NPRL2: variants seen among roughly 807,000 people sequenced by gnomAD.
NPRL2 encodes GATOR1 complex protein NPRL2.
A neutral mutation model predicts 51.1 loss-of-function variants in NPRL2; 21 were observed. The ratio of observed to expected loss-of-function variants is 0.41; its 90% CI spans 0.29 to 0.59. The LOEUF (loss-of-function observed/expected upper bound fraction) is 0.59, where lower values mean the gene tolerates loss of function less well. NPRL2 is among the 20% of genes least tolerant of loss of function. The pLI, the probability that NPRL2 is intolerant of heterozygous loss-of-function variation, is 0.29. For missense variants in NPRL2, 376 were observed against 483.4 expected (o/e 0.78, Z 2.08); for synonymous variants, 175 against 187.8 (o/e 0.93, Z 0.56).
chr3:50,348,321 C>G lies in NPRL2; in HGVS notation c.810G>C (p.Lys270Asn), dbSNP rs1703629313. 1 of 1,613,904 alleles carries G rather than the reference C, an allele frequency of 6.2e-7. No homozygotes were observed. Among genetic ancestry groups the G allele is most frequent in the East Asian group, 2.2e-5 (1 of 44,882 alleles). ...LQEACLSYVT[K>N]QGHKRASLRD... Reference sequence around the variant, plus strand: ...TCCCCCAGAACCCACCACTACCTTGCTTGGTCACGTAGGATAGACATGCCT... The same window carrying G: ...TCCCCCAGAACCCACCACTACCTTGGTTGGTCACGTAGGATAGACATGCCT... The change falls in exon 8 of 11, where the codon AAG becomes AAC. Residue 270 changes from lysine (K) to asparagine (N), a missense_variant. Physicochemically the swap from Lys to Asn is moderately conservative, Grantham distance 94 (BLOSUM62 0). Coordinates refer to ENST00000232501, the MANE Select transcript of NPRL2 (RefSeq NM_006545.5). This position sits in a 1 kb window ranked among gnomAD's most constrained non-coding sequence, Gnocchi z 5.8.
chr3:50,347,785 C>G lies in NPRL2; in HGVS notation c.1049G>C (p.Ser350Thr). 6.2e-7 allele frequency: 1 copy of G among 1,613,982 alleles called. No individual in the cohort carries two copies. The highest frequency in any genetic ancestry group is 1.1e-5 in the South Asian group (1 of 91,088). The change falls in exon 10 of 11, where the codon AGC becomes ACC. Residue 350 changes from serine (S) to threonine (T), a missense_variant. Coordinates refer to ENST00000232501, the MANE Select transcript of NPRL2 (RefSeq NM_006545.5). ...TGTCTTGCAGCAGATCTCGTCATAGCTGTGGCAGCCTGTATAAAGCCGGGC... is the reference window on the plus strand; with the variant it reads ...TGTCTTGCAGCAGATCTCGTCATAGGTGTGGCAGCCTGTATAAAGCCGGGC... The part of the protein sequence containing the change: ...HPARLYTGCH[S>T]YDEICCKTGM...
Position 50,349,767 on chromosome 3 carries a change from A to G in NPRL2, c.237T>C (p.Asn79=), listed in dbSNP as rs1372880144. ...VCIEHKKYSR[N]ALLFNLGFVC... ...CGAAGCCCAGGTTGAAGAGGAGAGC[A>G]TTGCGGCTGTACTTCTTGTGTTCGA... The change falls in exon 3 of 11, where the codon AAT becomes AAC. Residue 79 remains asparagine (N), a synonymous_variant. Transcript: ENST00000232501. The surrounding 1 kb of genome is among the most constrained non-coding windows in gnomAD (Gnocchi z 4.6). 2 of 1,613,980 alleles carry G rather than the reference A, an allele frequency of 1.2e-6. No individual in the cohort carries two copies. The highest frequency in any genetic ancestry group is 1.7e-5 in the Admixed American group (1 of 60,026).
At position 50,347,455 on chromosome 3, in the gene NPRL2, CCA is replaced by C. The variant is rs1703590393; in HGVS notation, c.*149_*150del. ...GCTATTTCATTCACTGCTGGGTCTC[CCA>C]CGGCTGGCCCAGAAACAGCACTCAA... On this transcript the variant is annotated 3_prime_UTR_variant, in exon 11 of 11. Coordinates refer to ENST00000232501, the MANE Select transcript of NPRL2 (RefSeq NM_006545.5). The C allele has an allele frequency of 6.4e-6, 6 of 937,342 alleles. No individual in the cohort carries two copies. In the South Asian group the frequency reaches 9.2e-5, roughly 14 times the overall value. The allele number at this position is 937,342 out of a possible 1,614,324, so 58.1% of individuals were successfully genotyped here.
In NPRL2 at chr3:50,347,863, C is replaced by T; in HGVS notation, c.971G>A (p.Arg324Lys). The change falls in exon 10 of 11, where the codon AGG (arginine) becomes AAG (lysine). Residue 324 changes from arginine (R) to lysine (K), a missense_variant. Transcript: ENST00000232501. ...IQFGLMKNLI[R>K]RLQKYPVRVT... is the part of the protein sequence containing the mutation. ...CCGCACAGGATACTTCTGTAGTCGC[C>T]TGATGAGGTTCTTCATAAGCCCGAA... 1 of 1,614,096 alleles carries T rather than the reference C, an allele frequency of 6.2e-7. No homozygotes were observed. The highest frequency in any genetic ancestry group is 1.1e-5 in the South Asian group (1 of 91,090).
Position 50,350,250 on chromosome 3 carries a change from C to T in NPRL2, c.79-228G>A. ...CCTCTACCTGGAACACTTTCTCCTGCCTTACCTAAACTTCCTATGCATCAT... is the reference window on the plus strand; with the variant it reads ...CCTCTACCTGGAACACTTTCTCCTGTCTTACCTAAACTTCCTATGCATCAT... On this transcript the variant is annotated intron_variant, in intron 1 of 10. Coordinates refer to ENST00000232501, the MANE Select transcript of NPRL2 (RefSeq NM_006545.5). The surrounding 1 kb of genome is among the most constrained non-coding windows in gnomAD (Gnocchi z 5.7). The T allele has an allele frequency of 3.4e-6, 2 of 596,992 alleles. No individual in the cohort carries two copies. The highest frequency in any genetic ancestry group is 2.0e-5 in the South Asian group (1 of 49,760). The allele number at this position is 596,992 out of a possible 1,614,324, so 37.0% of individuals were successfully genotyped here.
In NPRL2 at chr3:50,349,617, T is replaced by C; in HGVS notation, c.339+48A>G. 1 of 1,603,506 alleles carries C rather than the reference T, an allele frequency of 6.2e-7. No individual in the cohort carries two copies. Among genetic ancestry groups the C allele is most frequent in the South Asian group, 1.1e-5 (1 of 90,470 alleles). On this transcript the variant is annotated intron_variant, in intron 3 of 10. Transcript: ENST00000232501. The surrounding 1 kb of genome is among the most constrained non-coding windows in gnomAD (Gnocchi z 4.6). ...GGGACTTTGGAGACATGGGAACACC[T>C]TCCCCAACTCTGCCTGTCGGTAAAC...
rs1294646394 is a variant in NPRL2 at position 50,350,393 on chromosome 3, G to A, written c.78+182C>T. 2.1e-5 allele frequency: 14 copies of A among 659,294 alleles called. No homozygotes were observed. The highest frequency in any genetic ancestry group is 3.6e-5 in the African/African-American group (2 of 54,978). 40.8% of individuals were successfully genotyped at this position (659,294 alleles called of 1,614,324 possible). The stretch of plus-strand genomic sequence containing the variant: ...ATCCTACAAACACTGCCAATGTGAC[G>A]TATGTCTTCCCTGCCACATTGGGAG... On this transcript the variant is annotated intron_variant, in intron 1 of 10. Transcript: ENST00000232501. The surrounding 1 kb of genome is among the most constrained non-coding windows in gnomAD (Gnocchi z 5.7).
rs1258487171 is a variant in NPRL2, at chr3:50,349,177, C to G, written c.449-167G>C. On this transcript the variant is annotated intron_variant, in intron 4 of 10. Transcript: ENST00000232501. The surrounding 1 kb of genome is among the most constrained non-coding windows in gnomAD (Gnocchi z 4.6). ...GAGGCCCACAAAGGGGAAGGAATTG[C>G]CCAAGGGGCAGAGCTGGAGAGCTCT... The G allele has an allele frequency of 1.1e-6, 1 of 932,790 alleles. No homozygotes were observed. Among genetic ancestry groups the G allele is most frequent in the East Asian group, 2.6e-5 (1 of 38,286 alleles). 57.8% of individuals were successfully genotyped at this position (932,790 alleles called of 1,614,324 possible).
In NPRL2 at chr3:50,348,866, T is replaced by A. The variant is rs1310326569; in HGVS notation, c.585+8A>T. The A allele has an allele frequency of 6.2e-7, 1 of 1,613,990 alleles. No individual in the cohort carries two copies. The highest frequency in any genetic ancestry group is 1.1e-5 in the South Asian group (1 of 91,082). ...CCAGGTGATGATACCCAGGGAGGGA[T>A]GGCATACTTGTTGTGTAGTGAGGTC... is the stretch of plus-strand genomic sequence containing the variant. On this transcript the variant is annotated splice_region_variant and intron_variant, in intron 5 of 10. Coordinates refer to ENST00000232501, the MANE Select transcript of NPRL2 (RefSeq NM_006545.5). This position sits in a 1 kb window ranked among gnomAD's most constrained non-coding sequence, Gnocchi z 5.8.
Position 50,348,047 on chromosome 3 carries a change from C to A in NPRL2, c.932+77G>T. On this transcript the variant is annotated intron_variant, in intron 9 of 10. Coordinates refer to ENST00000232501, the MANE Select transcript of NPRL2 (RefSeq NM_006545.5). This position sits in a 1 kb window ranked among gnomAD's most constrained non-coding sequence, Gnocchi z 5.8. ...GCTTGGATTGGCAGTGCCCCATGAT[C>A]CAGGGCTCCTGAGAGACATAAAGGG... The A allele has an allele frequency of 6.3e-7, 1 of 1,588,992 alleles. No homozygotes were observed. Among genetic ancestry groups the A allele is most frequent in the African/African-American group, 1.3e-5 (1 of 74,586 alleles).
Position 50,350,414 on chromosome 3 carries a change from G to T in NPRL2, c.78+161C>A. The T allele has an allele frequency of 1.4e-6, 1 of 722,204 alleles. No individual in the cohort carries two copies. The allele number at this position is 722,204 out of a possible 1,614,324, so 44.7% of individuals were successfully genotyped here. A position where few individuals can be genotyped will look rare whatever the true frequency, so the allele number is the denominator to read the frequency against. On this transcript the variant is annotated intron_variant, in intron 1 of 10. Transcript: ENST00000232501. The surrounding 1 kb of genome is among the most constrained non-coding windows in gnomAD (Gnocchi z 5.7). ...TGACGTATGTCTTCCCTGCCACATTGGGAGCCGGGGGCCTGGGTCTGACTA... is the reference window on the plus strand; with the variant it reads ...TGACGTATGTCTTCCCTGCCACATTTGGAGCCGGGGGCCTGGGTCTGACTA...
Position 50,348,605 on chromosome 3 carries a change from T to C in NPRL2, c.684-42A>G. 1 of 1,614,038 alleles carries C rather than the reference T, an allele frequency of 6.2e-7. No individual in the cohort carries two copies. Among genetic ancestry groups the C allele is most frequent in the Admixed American group, 1.7e-5 (1 of 60,012 alleles). On this transcript the variant is annotated intron_variant, in intron 6 of 10. Transcript: ENST00000232501. This position sits in a 1 kb window ranked among gnomAD's most constrained non-coding sequence, Gnocchi z 5.8. ...TGCTCAGCTTCTGAGGACCATGCCTTCCCAACCCTCACACCCAGGGCCCCT... is the reference window on the plus strand; with the variant it reads ...TGCTCAGCTTCTGAGGACCATGCCTCCCCAACCCTCACACCCAGGGCCCCT...
chr3:50,350,145 C>T lies in NPRL2; in HGVS notation c.79-123G>A. ...CTCCAGCGTTCCCCTCTCTCCCATCCACTCAGGCCTATTACTTCTTTCTGT... is the reference window on the plus strand; with the variant it reads ...CTCCAGCGTTCCCCTCTCTCCCATCTACTCAGGCCTATTACTTCTTTCTGT... On this transcript the variant is annotated intron_variant, in intron 1 of 10. Coordinates refer to ENST00000232501, the MANE Select transcript of NPRL2 (RefSeq NM_006545.5). This position sits in a 1 kb window ranked among gnomAD's most constrained non-coding sequence, Gnocchi z 5.7. The T allele has an allele frequency of 1.3e-6, 1 of 744,228 alleles. No homozygotes were observed. Among genetic ancestry groups the T allele is most frequent in the South Asian group, 1.6e-5 (1 of 61,438 alleles). 46.1% of individuals were successfully genotyped at this position (744,228 alleles called of 1,614,324 possible).
At position 50,348,607 on chromosome 3, in the gene NPRL2, C is replaced by T. The variant is rs1703639601; in HGVS notation, c.684-44G>A. On this transcript the variant is annotated intron_variant, in intron 6 of 10. Coordinates refer to ENST00000232501, the MANE Select transcript of NPRL2 (RefSeq NM_006545.5). This position sits in a 1 kb window ranked among gnomAD's most constrained non-coding sequence, Gnocchi z 5.8. Reference sequence around the variant, plus strand: ...CTCAGCTTCTGAGGACCATGCCTTCCCAACCCTCACACCCAGGGCCCCTGA... The same window carrying T: ...CTCAGCTTCTGAGGACCATGCCTTCTCAACCCTCACACCCAGGGCCCCTGA... 6.2e-7 allele frequency: 1 copy of T among 1,613,946 alleles called. No individual in the cohort carries two copies. Among genetic ancestry groups the T allele is most frequent in the Non-Finnish European group, 8.5e-7 (1 of 1,180,022 alleles).
chr3:50,348,523 C>G lies in NPRL2; in HGVS notation c.720+4G>C. The G allele has an allele frequency of 6.2e-7, 1 of 1,614,126 alleles. No individual in the cohort carries two copies. Among genetic ancestry groups the G allele is most frequent in the Non-Finnish European group, 8.5e-7 (1 of 1,180,030 alleles). ...CTCCACTTAACCAAACCCAACTCAC[C>G]TACCTGGAGGATGGACACCAGTGTC... On this transcript the variant is annotated splice_donor_region_variant and intron_variant, in intron 7 of 10. Transcript: ENST00000232501. This position sits in a 1 kb window ranked among gnomAD's most constrained non-coding sequence, Gnocchi z 5.8.
rs587683236 is a variant in NPRL2 at position 50,347,961 on chromosome 3, A to G, written c.933-60T>C. 3.5e-5 allele frequency: 56 copies of G among 1,608,906 alleles called. No homozygotes were observed. The African/African-American group carries it at 6.9e-4, about 20-fold the overall frequency. ...GGCCAGGCCTTCTTTCAGGCAGGCC[A>G]ACCCTTTCCTGTAGTCTCCCTTCAA... On this transcript the variant is annotated intron_variant, in intron 9 of 10. Transcript: ENST00000232501.
chr3:50,350,086 G>A lies in NPRL2; in HGVS notation c.79-64C>T. Reference sequence around the variant, plus strand: ...CTGTACTGGGTGTAGTACAAATGGTGACCTCCTCATGCCCCCCAAGCCCAA... The same window carrying A: ...CTGTACTGGGTGTAGTACAAATGGTAACCTCCTCATGCCCCCCAAGCCCAA... On this transcript the variant is annotated intron_variant, in intron 1 of 10. Coordinates refer to ENST00000232501, the MANE Select transcript of NPRL2 (RefSeq NM_006545.5). The surrounding 1 kb of genome is among the most constrained non-coding windows in gnomAD (Gnocchi z 5.7). The A allele has an allele frequency of 7.2e-7, 1 of 1,379,364 alleles. No homozygotes were observed. Among genetic ancestry groups the A allele is most frequent in the Non-Finnish European group, 1.0e-6 (1 of 974,322 alleles). The allele number at this position is 1,379,364 out of a possible 1,614,324, so 85.4% of individuals were successfully genotyped here.
At position 50,349,657 on chromosome 3, in the gene NPRL2, T is replaced by C; in HGVS notation, c.339+8A>G. The C allele has an allele frequency of 6.2e-7, 1 of 1,606,642 alleles. No individual in the cohort carries two copies. Among genetic ancestry groups the C allele is most frequent in the Non-Finnish European group, 8.5e-7 (1 of 1,174,272 alleles). On this transcript the variant is annotated splice_region_variant and intron_variant, in intron 3 of 10. Coordinates refer to ENST00000232501, the MANE Select transcript of NPRL2 (RefSeq NM_006545.5). This position sits in a 1 kb window ranked among gnomAD's most constrained non-coding sequence, Gnocchi z 4.6. ...TGTCGGTAAACCCAAGCCCATCTCA[T>C]TGCAGACCTCTAGTGTGGTCAGATA...
At position 50,348,300 on chromosome 3, in the gene NPRL2, C is replaced by A. The variant is rs771950491; in HGVS notation, c.814+17G>T. 1 of 1,613,864 alleles carries A rather than the reference C, an allele frequency of 6.2e-7. No homozygotes were observed. Among genetic ancestry groups the A allele is most frequent in the Non-Finnish European group, 8.5e-7 (1 of 1,179,914 alleles). On this transcript the variant is annotated intron_variant, in intron 8 of 10. Coordinates refer to ENST00000232501, the MANE Select transcript of NPRL2 (RefSeq NM_006545.5). This position sits in a 1 kb window ranked among gnomAD's most constrained non-coding sequence, Gnocchi z 5.8. ...CCTGCCCTCCCCAAGATGGCTTCCC[C>A]CAGAACCCACCACTACCTTGCTTGG... is the stretch of plus-strand genomic sequence containing the variant.
Sources: gnomAD v4.1 joint callset for allele counts on GRCh38, gnomAD v4.1.1 for gene constraint, Gnocchi (gnomAD v3.1) non-coding constraint, MANE v1.5 for transcripts, NCBI Gene and HGNC (gene_info 2026-07-23, HGNC 2026-07-21) for gene names.